ANO4: variants seen among roughly 807,000 people sequenced by gnomAD.
The protein encoded by ANO4 is anoctamin-4.
In ANO4, 69 loss-of-function variants were observed where a neutral mutation model predicts 141.9. The ratio of observed to expected loss-of-function variants is 0.49; its 90% CI spans 0.40 to 0.59. The LOEUF is 0.59. ANO4 is among the 20% of genes least tolerant of loss of function. The probability of loss-of-function intolerance (pLI) is 0.00; values close to 1 mark genes in which losing one functional copy is unlikely to be tolerated. For missense variants in ANO4, 894 were observed against 1,162.2 expected (o/e 0.77, Z 3.36); for synonymous variants, 350 against 394.3 (o/e 0.89, Z 1.33).
chr12:100,740,798 A>G (rs2031830476), intron 3 of ANO4, among the ~76,000 whole-genome samples: 1 of 152,238 alleles, frequency 6.6e-6, no homozygotes, highest in African/African-American at 2.4e-5. Flanking sequence ...TGAAAGTTAC[A>G]TAAAATTCAC....
intron 5 of ANO4, among the ~76,000 whole-genome samples, chr12:100,949,529 A>T (rs1013240023): frequency 6.6e-6 from 1 of 152,186 alleles, no homozygotes; most frequent in Admixed American, 6.5e-5. Flanking sequence ...AGTAAACTTC[A>T]TTATTATCAT....
chr12:100,961,886 C>G (rs2043441297), intron 5 of ANO4, among the ~76,000 whole-genome samples: 1 of 152,136 alleles, frequency 6.6e-6, no homozygotes, highest in Admixed American at 6.5e-5. Context: ...TGCAACATAA[C>G]TTAGCCCATC....
intron 1 of ANO4, among the ~76,000 whole-genome samples, chr12:100,831,232 T>C (rs11110541): frequency 0.18 from 27,573 of 152,062 alleles, 2,955 homozygotes; most frequent in Middle Eastern, 0.29. Flanking sequence ...AGTTGCTATT[T>C]CTGGTGGCAC....
At position 100,901,844 on chromosome 12, in the gene ANO4, A is replaced by G. The variant is rs761488427; in HGVS notation, c.55+4A>G. ...AAAACCAAAGTCTTCCACCCAGGTG[A>G]TGCATGGGGAAGTTCAACGGGGACC... On this transcript the variant is annotated splice_donor_region_variant and intron_variant, in intron 2 of 27. Transcript: ENST00000392977. 5 of 1,597,206 alleles carry G rather than the reference A, an allele frequency of 3.1e-6. No homozygotes were observed. Among genetic ancestry groups the G allele is most frequent in the Non-Finnish European group, 4.3e-6 (5 of 1,171,976 alleles).
chr12:100,974,592 C>T (rs1489861011), intron 6 of ANO4, among the ~76,000 whole-genome samples: 11 of 151,798 alleles, frequency 7.2e-5, no homozygotes, highest in Non-Finnish European at 1.6e-4. Flanking sequence ...AGGCAAGGAG[C>T]AACCATTAAA....
At chr12:101,033,310 A>C (rs1280654175) in intron 9 of ANO4, among the ~76,000 whole-genome samples, 3 of 149,324 alleles carry the variant, frequency 2.0e-5, no homozygotes, top group Non-Finnish European at 4.4e-5. Context: ...CACTCTGGGG[A>C]CTGTTGTGGG....
At chr12:100,865,091 T>A (rs1054584390) in intron 1 of ANO4, among the ~76,000 whole-genome samples, 15 of 152,316 alleles carry the variant, frequency 9.8e-5, no homozygotes, top group African/African-American at 3.4e-4. Context: ...GCAATAAACA[T>A]ATGTGTGCAT....
intron 8 of ANO4, among the ~76,000 whole-genome samples, chr12:100,996,351 TG>T (rs553816009): frequency 6.6e-6 from 1 of 152,044 alleles, no homozygotes; most frequent in African/African-American, 2.4e-5. Context: ...GCGCTAACAA[TG>T]GAAATGTTGG....
intron 3 of ANO4, among the ~76,000 whole-genome samples, chr12:100,767,129 T>C (rs1297525137): frequency 2.0e-5 from 3 of 152,166 alleles, no homozygotes; most frequent in Non-Finnish European, 2.9e-5. Flanking sequence ...CATATAGGTA[T>C]ATTTTTTTCT....
At chr12:101,085,659 T>C (rs1315797244) in intron 16 of ANO4, among the ~76,000 whole-genome samples, 1 of 152,104 alleles carries the variant, frequency 6.6e-6, no homozygotes, top group Non-Finnish European at 1.5e-5. Flanking sequence ...CTGCATTTCA[T>C]AGAGAAAGAA....
At chr12:100,832,901 T>A (rs575175838) in intron 1 of ANO4, among the ~76,000 whole-genome samples, 1 of 152,298 alleles carries the variant, frequency 6.6e-6, no homozygotes, top group East Asian at 1.9e-4. Context: ...TCTAATATAT[T>A]GTTTATTTTC....
chr12:100,963,741 G>A (rs2043527525), intron 5 of ANO4, among the ~76,000 whole-genome samples: 1 of 152,038 alleles, frequency 6.6e-6, no homozygotes, highest in Admixed American at 6.6e-5. Context: ...CCACTGAGAG[G>A]AGTTAAAGGA....
intron 22 of ANO4, among the ~76,000 whole-genome samples, chr12:101,099,996 A>G (rs2050131907): frequency 6.6e-6 from 1 of 152,190 alleles, no homozygotes; most frequent in South Asian, 2.1e-4. Flanking sequence ...CCTATCATTT[A>G]TTAACGGTGA....
chr12:100,993,039 A>G (rs1233115074), intron 8 of ANO4, among the ~76,000 whole-genome samples: 1 of 152,004 alleles, frequency 6.6e-6, no homozygotes, highest in Non-Finnish European at 1.5e-5. Flanking sequence ...AAAATTTAAA[A>G]CTAGCAGGGC....
chr12:101,013,098 T>C (rs1377164404), intron 8 of ANO4, among the ~76,000 whole-genome samples: 1 of 152,154 alleles, frequency 6.6e-6, no homozygotes, highest in South Asian at 2.1e-4. Flanking sequence ...TAACTACCAT[T>C]TGACCCAGCA....
chr12:101,121,762 T>A (rs1306284526), intron 26 of ANO4, among the ~76,000 whole-genome samples: 1 of 66,506 alleles, frequency 1.5e-5, no homozygotes. Context: ...ACTTTTTTTT[T>A]TTTTTTTTTT....
In ANO4 at chr12:100,729,082, C is replaced by T. The variant is rs182083247; in HGVS notation, c.23-4692C>T. On this transcript the variant is annotated intron_variant, in intron 1 of 29. Transcript: ENST00000644049. ...TTACCATCCATTATGCAGTAATAAA[C>T]AATATAATTCAGTTGTGTTTGTTGT... is the stretch of plus-strand genomic sequence containing the variant. Among the ~76,000 whole-genome samples the T allele has an allele frequency of 3.9e-5, 6 of 152,058 alleles. No homozygotes were observed. In the East Asian group the frequency reaches 9.7e-4, roughly 25 times the overall value.
intron 1 of ANO4, among the ~76,000 whole-genome samples, chr12:100,828,812 G>C (rs1205485334): frequency 6.6e-6 from 1 of 151,992 alleles, no homozygotes; most frequent in Non-Finnish European, 1.5e-5. Flanking sequence ...GAGGTCAGGA[G>C]TTTGAGACCA....
intron 1 of ANO4, among the ~76,000 whole-genome samples, chr12:100,884,362 A>G (rs780001716): frequency 1.1e-4 from 17 of 152,238 alleles, no homozygotes; most frequent in Non-Finnish European, 1.6e-4. Flanking sequence ...GCAGCTTCAC[A>G]GTCTCCCTCC....
Sources: gnomAD v4.1 joint callset for allele counts (sites outside exome capture counted in the v4.1 genomes callset) on GRCh38, gnomAD v4.1.1 for gene constraint, MANE v1.5 for transcripts, NCBI Gene and HGNC (gene_info 2026-07-23, HGNC 2026-07-21) for gene names.